ATXN8OS: variants seen among roughly 807,000 people sequenced by gnomAD.
ATXN8OS encodes the protein ATXN8 opposite strand (non-protein coding).
chr13:70,133,978 G>A (rs1888570683), intron 3 of ATXN8OS, among the ~76,000 whole-genome samples: 1 of 152,136 alleles, frequency 6.6e-6, no homozygotes, highest in Non-Finnish European at 1.5e-5. Flanking sequence ...TTATTCATTG[G>A]CCTAGTAAAT....
At chr13:70,110,531 G>A (rs1158198407) in intron 1 of ATXN8OS, among the ~76,000 whole-genome samples, 1 of 151,726 alleles carries the variant, frequency 6.6e-6, no homozygotes, top group African/African-American at 2.4e-5. Context: ...GGAAGAAAGA[G>A]AGGAAAGTGA....
intron 4 of ATXN8OS, among the ~76,000 whole-genome samples, chr13:70,163,050 A>AAAATT (rs1889029397): frequency 2.0e-5 from 3 of 152,078 alleles, no homozygotes; most frequent in African/African-American, 7.2e-5. Context: ...TTCCCATTTT[A>AAAATT]AAATTAATTT....
intron 2 of ATXN8OS, among the ~76,000 whole-genome samples, chr13:70,126,023 G>A (rs1888428831): frequency 1.3e-5 from 2 of 152,034 alleles, no homozygotes; most frequent in Admixed American, 6.6e-5. Context: ...ACGCAGGCTC[G>A]CAATTGCCAT....
chr13:70,139,395 G>GCTGCTA lies in ATXN8OS; in HGVS notation n.500-7955_500-7954insACTGCT. On this transcript the variant is annotated intron_variant and non_coding_transcript_variant, in intron 3 of 4. Coordinates refer to ENST00000678624, the Ensembl canonical transcript of ATXN8OS. ...TACTACTACTACTACTGCTGCTGCT[G>GCTGCTA]CTGCTGCTGCTGCTGCTGCTGCTGC... 14 of 557,238 alleles carry GCTGCTA rather than the reference G, an allele frequency of 2.5e-5. No homozygotes were observed. The South Asian group carries it at 2.9e-4, about 12-fold the overall frequency. The allele number at this position is 557,238 out of a possible 1,614,324, so 34.5% of individuals were successfully genotyped here. A position where few individuals can be genotyped will look rare whatever the true frequency, so the allele number is the denominator to read the frequency against.
chr13:70,137,582 T>C (rs1215899658), intron 3 of ATXN8OS, among the ~76,000 whole-genome samples: 1 of 152,182 alleles, frequency 6.6e-6, no homozygotes, highest in Non-Finnish European at 1.5e-5. Context: ...TTGATTTGAA[T>C]TATTATAGAT....
chr13:70,155,027 G>A (rs1288460200), intron 4 of ATXN8OS, among the ~76,000 whole-genome samples: 2 of 152,176 alleles, frequency 1.3e-5, no homozygotes, highest in Non-Finnish European at 2.9e-5. Flanking sequence ...TGTGAAGTGT[G>A]TATAAAAGTC....
At chr13:70,131,760 G>T (rs1205315626) in intron 3 of ATXN8OS, among the ~76,000 whole-genome samples, 1 of 152,002 alleles carries the variant, frequency 6.6e-6, no homozygotes, top group Non-Finnish European at 1.5e-5. Flanking sequence ...GTGTACAACT[G>T]CATCCTTGTT....
exon 5 of ATXN8OS, among the ~76,000 whole-genome samples, chr13:70,171,492 G>A (rs913061306): frequency 4.6e-5 from 7 of 152,084 alleles, no homozygotes; most frequent in Non-Finnish European, 8.8e-5. Flanking sequence ...GACTCGTGGT[G>A]CAGTACATTT....
At chr13:70,138,047 A>C (rs1461585397) in intron 3 of ATXN8OS, among the ~76,000 whole-genome samples, 1 of 152,204 alleles carries the variant, frequency 6.6e-6, no homozygotes, top group Non-Finnish European at 1.5e-5. Context: ...CGAGAACAAC[A>C]TGGCGGAAAT....
intron 4 of ATXN8OS, among the ~76,000 whole-genome samples, chr13:70,153,014 C>G (rs1430830078): frequency 7.1e-6 from 1 of 141,708 alleles, no homozygotes; most frequent in Non-Finnish European, 1.5e-5. Context: ...TAAGAAAAAA[C>G]TGTGTGTGTG....
intron 1 of ATXN8OS, among the ~76,000 whole-genome samples, chr13:70,109,731 C>T (rs1290781565): frequency 6.6e-6 from 1 of 151,992 alleles, no homozygotes; most frequent in East Asian, 1.9e-4. Flanking sequence ...CCCTTTAAAG[C>T]CAACAATGGT....
At chr13:70,145,822 T>A (rs1026327993) in intron 3 of ATXN8OS, among the ~76,000 whole-genome samples, 1 of 151,890 alleles carries the variant, frequency 6.6e-6, no homozygotes, top group Non-Finnish European at 1.5e-5. Context: ...GAAGAAAACG[T>A]TGGCAATACC....
At chr13:70,145,295 G>A (rs1888766883) in intron 3 of ATXN8OS, among the ~76,000 whole-genome samples, 1 of 152,004 alleles carries the variant, frequency 6.6e-6, no homozygotes, top group Admixed American at 6.6e-5. Context: ...GATGACTCCG[G>A]CTTTGTTCTT....
chr13:70,115,532 T>C (rs915724336), intron 2 of ATXN8OS, among the ~76,000 whole-genome samples: 1 of 152,118 alleles, frequency 6.6e-6, no homozygotes, highest in Non-Finnish European at 1.5e-5. Context: ...GAAACAAAAG[T>C]AATGGTTTTT....
At chr13:70,107,653 C>T (rs764863092), upstream of ATXN8OS, 2 of 1,546,800 alleles carry the variant, frequency 1.3e-6, no homozygotes, top group East Asian at 2.2e-5. Flanking sequence ...CCAGCGGAGT[C>T]GCAGAATGTG....
At chr13:70,155,123 C>T (rs1228895345) in intron 4 of ATXN8OS, among the ~76,000 whole-genome samples, 1 of 152,166 alleles carries the variant, frequency 6.6e-6, no homozygotes, top group African/African-American at 2.4e-5. Context: ...CCTGTTTCAA[C>T]CCGAGGTCTC....
At chr13:70,107,682 T>TGAA (rs757237410), upstream of ATXN8OS, 2 of 1,530,620 alleles carry the variant, frequency 1.3e-6, no homozygotes, top group South Asian at 2.6e-5. Flanking sequence ...CGAAGTCTTT[T>TGAA]CGCCCAGAGC....
At chr13:70,109,371 G>T (rs1461358863) in intron 1 of ATXN8OS, among the ~76,000 whole-genome samples, 1 of 152,178 alleles carries the variant, frequency 6.6e-6, no homozygotes, top group Admixed American at 6.5e-5. Flanking sequence ...ACTTAACCAA[G>T]AATATGGTTG....
intron 3 of ATXN8OS, among the ~76,000 whole-genome samples, chr13:70,132,052 T>C (rs1888541431): frequency 6.6e-6 from 1 of 152,164 alleles, no homozygotes; most frequent in African/African-American, 2.4e-5. Context: ...GTAAAACTTT[T>C]ACTTTCCAGA....
Sources: allele counts gnomAD v4.1 joint callset (sites outside exome capture counted in the v4.1 genomes callset), GRCh38; gene constraint gnomAD v4.1.1; transcripts MANE v1.5; gene names NCBI Gene and HGNC (gene_info 2026-07-23, HGNC 2026-07-21).